INVS: variants seen among roughly 807,000 people sequenced by gnomAD.
The protein encoded by INVS is inversion of embryo turning homolog.
Under a neutral mutation model 108.8 loss-of-function variants are expected in INVS, and 86 were observed. The observed-to-expected ratio is 0.79, with a 90% CI of 0.66 to 0.95. The LOEUF is 0.95. Ranked by LOEUF, INVS falls within the 40% of genes least tolerant of loss-of-function variation. The pLI is 0.00. For missense variants in INVS, 1,169 were observed against 1,297.4 expected, an observed-to-expected ratio of 0.90 and a Z score of 1.52; for synonymous variants, 455 against 473.5, an observed-to-expected ratio of 0.96 and a Z score of 0.51.
At chr9:100,237,664 C>T (rs1831733315) in intron 5 of INVS, among the ~76,000 whole-genome samples, 1 of 152,200 alleles carries the variant, frequency 6.6e-6, no homozygotes, top group Non-Finnish European at 1.5e-5. Flanking sequence ...CCTGCTTCTG[C>T]TCACCGTCTG....
chr9:100,297,354 C>G (rs747741374), intron 15 of INVS, among the ~76,000 whole-genome samples: 2 of 152,144 alleles, frequency 1.3e-5, no homozygotes, highest in Non-Finnish European at 2.9e-5. Flanking sequence ...TTCCTGCCTC[C>G]CAGCGATACT....
intron 3 of INVS, among the ~76,000 whole-genome samples, chr9:100,211,102 G>A (rs897451116): frequency 1.3e-5 from 2 of 151,920 alleles, no homozygotes; most frequent in African/African-American, 4.8e-5. Flanking sequence ...CCCTCCAGAC[G>A]ATCTTGATGC....
chr9:100,112,357 A>C (rs1486670025), intron 2 of INVS, among the ~76,000 whole-genome samples: 1 of 152,248 alleles, frequency 6.6e-6, no homozygotes, highest in African/African-American at 2.4e-5. Flanking sequence ...ATAACCCAAT[A>C]ACATCTTCTC....
At position 100,185,489 on chromosome 9, in the gene INVS, A is replaced by G. The variant is rs187025395; in HGVS notation, c.274-40573A>G. ...ATTTTTTTTTTGCTGTCTACAAGAG[A>G]AACACTTCATTTTGTATATGCATAG... On this transcript the variant is annotated intron_variant, in intron 3 of 16. Coordinates refer to ENST00000262457, the MANE Select transcript of INVS (RefSeq NM_014425.5). 2.7e-3 allele frequency among the ~76,000 whole-genome samples: 395 copies of G among 143,938 alleles called. 1 individual carries two copies. The highest frequency in any genetic ancestry group is 9.4e-3 in the African/African-American group (371 of 39,604). 94.4% of individuals were successfully genotyped at this position (143,938 alleles called of 152,430 possible). A position where few individuals can be genotyped will look rare whatever the true frequency, so the allele number is the denominator to read the frequency against.
At chr9:100,126,570 G>C in intron 3 of INVS, 21 bp downstream of exon 3, 1 of 1,612,426 alleles carries the variant, frequency 6.2e-7, no homozygotes, top group Non-Finnish European at 8.5e-7. Flanking sequence ...AAATTTCCTT[G>C]AAGAGTAAAT....
At chr9:100,236,131 C>T (rs1335251044) in intron 5 of INVS, among the ~76,000 whole-genome samples, 1 of 152,174 alleles carries the variant, frequency 6.6e-6, no homozygotes, top group Non-Finnish European at 1.5e-5. Context: ...GATATCCTTT[C>T]CTCCACTTGA....
At chr9:100,202,764 A>G (rs1830568675) in intron 3 of INVS, among the ~76,000 whole-genome samples, 1 of 152,176 alleles carries the variant, frequency 6.6e-6, no homozygotes, top group African/African-American at 2.4e-5. Context: ...TCATTCTTGA[A>G]CTTGGCTCTA....
intron 1 of INVS, among the ~76,000 whole-genome samples, chr9:100,100,725 C>CATATAATATATATAATATATACAT (rs1826850415): frequency 2.7e-4 from 2 of 7,456 alleles, no homozygotes; most frequent in Non-Finnish European, 3.5e-4. Flanking sequence ...ATTATATGTA[C>CATATAATATATATAATATATACAT]ATATAATATA....
intron 2 of INVS, among the ~76,000 whole-genome samples, chr9:100,114,391 C>CTT (rs67549379): frequency 5.6e-4 from 36 of 64,858 alleles, no homozygotes; most frequent in South Asian, 8.8e-4. Context: ...AGATTTCTTT[C>CTT]TTTTTTTTTT....
At chr9:100,145,740 C>A (rs1049515059) in intron 3 of INVS, among the ~76,000 whole-genome samples, 1 of 152,128 alleles carries the variant, frequency 6.6e-6, no homozygotes, top group African/African-American at 2.4e-5. Context: ...ATCAGGCAGT[C>A]GTCCCCACGT....
Position 100,117,588 on chromosome 9 carries a change from C to T in INVS, c.107-8795C>T, listed in dbSNP as rs933549603. 1.7e-5 allele frequency: 15 copies of T among 859,466 alleles called. No individual in the cohort carries two copies. In the African/African-American group the frequency reaches 2.6e-4, roughly 15 times the overall value. 53.2% of individuals were successfully genotyped at this position (859,466 alleles called of 1,614,324 possible). On this transcript the variant is annotated intron_variant, in intron 2 of 16. Transcript: ENST00000262457. ...CCACCGCGGTTCCCCATCCCAGGGC[C>T]ACCAGGGCCTCCGGCCCCCCGCCCC...
At chr9:100,189,144 G>A (rs1228874120) in intron 3 of INVS, among the ~76,000 whole-genome samples, 1 of 112,580 alleles carries the variant, frequency 8.9e-6, no homozygotes, top group African/African-American at 3.8e-5. Flanking sequence ...TATAGCTAAT[G>A]GTCTATCAAT....
chr9:100,165,935 C>G (rs923452839), intron 3 of INVS, among the ~76,000 whole-genome samples: 9 of 152,238 alleles, frequency 5.9e-5, no homozygotes, highest in Admixed American at 2.0e-4. Context: ...ATCTAGGGTG[C>G]TCACTGCTAC....
intron 3 of INVS, chr9:100,175,820 AC>A: frequency 1.5e-6 from 1 of 670,610 alleles, no homozygotes. Flanking sequence ...GACCTGGTGC[AC>A]CCAATCCTGG....
chr9:100,292,548 C>A lies in INVS; in HGVS notation c.2291C>A (p.Ala764Asp). The part of the protein sequence containing the change: ...DEKGEDSRRA[A>D]ASLPPHDSHW... ...AAAGGAGAGGACTCCAGGCGGGCAG[C>A]TGCAAGCCTTCCACCGCACGATAGC... Residue 764 changes from alanine to aspartate, a missense_variant, in exon 14 of 17, where the codon GCT becomes GAT. Physicochemically the swap from Ala to Asp is moderately radical, Grantham distance 126. Coordinates refer to ENST00000262457, the MANE Select transcript of INVS (RefSeq NM_014425.5). 6.2e-7 allele frequency: 1 copy of A among 1,614,164 alleles called. No homozygotes were observed.
At chr9:100,119,519 C>T (rs1827656801) in intron 2 of INVS, among the ~76,000 whole-genome samples, 1 of 152,210 alleles carries the variant, frequency 6.6e-6, no homozygotes, top group South Asian at 2.1e-4. Context: ...GGGCTAAGGT[C>T]TCATCTGAGA....
chr9:100,213,887 A>T (rs1326612058), intron 3 of INVS, among the ~76,000 whole-genome samples: 1 of 152,148 alleles, frequency 6.6e-6, no homozygotes, highest in Non-Finnish European at 1.5e-5. Context: ...AAATTACCTA[A>T]GTAAAGAGTG....
intron 10 of INVS, among the ~76,000 whole-genome samples, chr9:100,261,751 A>G (rs888577377): frequency 3.9e-5 from 6 of 152,092 alleles, no homozygotes; most frequent in Admixed American, 1.3e-4. Context: ...TTCATTTCCA[A>G]TCTTTATACT....
In INVS at chr9:100,230,677, C is replaced by G. The variant is rs556962924; in HGVS notation, c.615+850C>G. On this transcript the variant is annotated intron_variant, in intron 5 of 16. Coordinates refer to ENST00000262457, the MANE Select transcript of INVS (RefSeq NM_014425.5). ...GGGACTGCAGGCGTGCGCCACCGTG[C>G]CTGGCTAATTTCCGTATTTTTAGTA... Among the ~76,000 whole-genome samples, 8 of 152,164 alleles carry G rather than the reference C, an allele frequency of 5.3e-5. No homozygotes were observed. In the East Asian group the frequency reaches 1.2e-3, roughly 22 times the overall value.
Sources: gnomAD v4.1 joint callset for allele counts (sites outside exome capture counted in the v4.1 genomes callset) on GRCh38, gnomAD v4.1.1 for gene constraint, MANE v1.5 for transcripts, NCBI Gene and HGNC (gene_info 2026-07-23, HGNC 2026-07-21) for gene names.